DLG2: variants seen among roughly 807,000 people sequenced by gnomAD.
DLG2 encodes discs large MAGUK scaffold protein 2, also known as disks large homolog 2.
DLG2 carries 45 observed loss-of-function variants against 132.5 expected under a neutral mutation model. The ratio of observed to expected loss-of-function variants is 0.34; its 90% CI spans 0.27 to 0.44. The LOEUF is 0.44. Ranked by LOEUF, DLG2 falls within the 20% of genes least tolerant of loss-of-function variation. DLG2 has a pLI of 1.00. For synonymous variants in DLG2, 424 were observed against 419.6 expected (o/e 1.01, Z -0.13); for missense variants, 1,045 against 1,196.9 (o/e 0.87, Z 1.87).
intron 3 of DLG2, among the ~76,000 whole-genome samples, chr11:85,563,615 T>A (rs1168795816): frequency 2.0e-5 from 3 of 150,862 alleles, no homozygotes; most frequent in Non-Finnish European, 3.0e-5. Context: ...TTTTTGAGAT[T>A]GATTTATGTT....
intron 18 of DLG2, among the ~76,000 whole-genome samples, chr11:83,749,438 G>T (rs555870458): frequency 6.6e-6 from 1 of 152,268 alleles, no homozygotes; most frequent in East Asian, 1.9e-4. Context: ...ACAAGGCCTA[G>T]GAATAAAGGG....
chr11:83,701,775 G>A (rs1444581657), intron 18 of DLG2, among the ~76,000 whole-genome samples: 1 of 152,174 alleles, frequency 6.6e-6, no homozygotes, highest in Non-Finnish European at 1.5e-5. Flanking sequence ...GGGATAACCT[G>A]TCGTGGTAGG....
At chr11:85,383,355 G>A (rs140920403) in intron 3 of DLG2, among the ~76,000 whole-genome samples, 74 of 152,182 alleles carry the variant, frequency 4.9e-4, no homozygotes, top group African/African-American at 1.6e-3. Flanking sequence ...GAGGATCCTC[G>A]GGGGTGATAA....
intron 6 of DLG2, among the ~76,000 whole-genome samples, chr11:85,066,127 A>G (rs1049719225): frequency 2.6e-5 from 4 of 151,718 alleles, no homozygotes; most frequent in Non-Finnish European, 5.9e-5. Context: ...ATCACAACTA[A>G]TAACTCAGAA....
At chr11:83,907,532 G>GA (rs1300431834) in intron 15 of DLG2, among the ~76,000 whole-genome samples, 2 of 152,034 alleles carry the variant, frequency 1.3e-5, no homozygotes, top group Non-Finnish European at 2.9e-5. Context: ...TTTTAATTCT[G>GA]AAAAAGAGGA....
chr11:83,887,901 G>C (rs577836780), intron 15 of DLG2, among the ~76,000 whole-genome samples: 221 of 149,832 alleles, frequency 1.5e-3, no homozygotes, highest in Middle Eastern at 3.4e-3. Flanking sequence ...ATTCAACAAC[G>C]CTTCATGCTA....
chr11:84,639,855 T>C (rs2099652890), intron 6 of DLG2: 2 of 173,862 alleles, frequency 1.2e-5, no homozygotes, highest in South Asian at 2.9e-4. Context: ...CCTGTCTGAG[T>C]AGGCTTCCTC....
At chr11:85,333,457 T>C (rs2081915121) in intron 3 of DLG2, among the ~76,000 whole-genome samples, 1 of 152,192 alleles carries the variant, frequency 6.6e-6, no homozygotes, top group African/African-American at 2.4e-5. Context: ...TGGCTAGGAC[T>C]TTCAGTATTA....
chr11:84,870,393 C>T (rs997918831), intron 6 of DLG2, among the ~76,000 whole-genome samples: 5 of 152,186 alleles, frequency 3.3e-5, no homozygotes, highest in African/African-American at 1.2e-4. Flanking sequence ...TCAAGCTTAA[C>T]AAGTGACCTA....
intron 7 of DLG2, among the ~76,000 whole-genome samples, chr11:84,530,127 C>A (rs575970029): frequency 1.3e-5 from 2 of 152,042 alleles, no homozygotes; most frequent in Non-Finnish European, 2.9e-5. Flanking sequence ...CCTTATACCA[C>A]GTACAAAAAA....
chr11:84,190,457 A>G (rs1465964789), intron 8 of DLG2, among the ~76,000 whole-genome samples: 1 of 152,210 alleles, frequency 6.6e-6, no homozygotes, highest in Admixed American at 6.5e-5. Context: ...TTCCCCCTCT[A>G]GAATTGTTAG....
intron 11 of DLG2, among the ~76,000 whole-genome samples, chr11:84,050,015 G>A (rs767295930): frequency 6.6e-5 from 10 of 151,664 alleles, no homozygotes; most frequent in Non-Finnish European, 1.0e-4. Context: ...TGGTACACAG[G>A]GCAGCTCACC....
chr11:84,772,877 C>A (rs1327305294), intron 6 of DLG2, among the ~76,000 whole-genome samples: 9 of 151,576 alleles, frequency 5.9e-5, no homozygotes, highest in Admixed American at 3.9e-4. Flanking sequence ...AATATCACAC[C>A]AAGAAAAACT....
intron 4 of DLG2, among the ~76,000 whole-genome samples, chr11:85,259,913 C>G (rs1175486171): frequency 6.6e-6 from 1 of 152,024 alleles, no homozygotes; most frequent in Non-Finnish European, 1.5e-5. Flanking sequence ...CTATCTTGTA[C>G]AGGTAGGCCA....
intron 11 of DLG2, among the ~76,000 whole-genome samples, chr11:84,001,891 A>G (rs1034707932): frequency 6.6e-6 from 1 of 152,172 alleles, no homozygotes; most frequent in African/African-American, 2.4e-5. Context: ...AGTTCTTAAA[A>G]CAATTGAAAA....
chr11:85,589,631 C>T (rs2079185348), intron 3 of DLG2, among the ~76,000 whole-genome samples: 1 of 152,044 alleles, frequency 6.6e-6, no homozygotes, highest in Admixed American at 6.6e-5. Context: ...GAGGGAAAGC[C>T]AGTAGCGATA....
At chr11:83,506,783 T>C (rs546197049) in intron 21 of DLG2, among the ~76,000 whole-genome samples, 2 of 152,224 alleles carry the variant, frequency 1.3e-5, no homozygotes, top group African/African-American at 4.8e-5. Context: ...GTTTCTATTG[T>C]AAGTTGCAGG....
chr11:84,695,110 T>C (rs1215978811), intron 6 of DLG2, among the ~76,000 whole-genome samples: 1 of 151,528 alleles, frequency 6.6e-6, no homozygotes, highest in African/African-American at 2.4e-5. Flanking sequence ...TTGCTTAAAA[T>C]CACAATAGCC....
At chr11:84,488,063 C>A (rs1221664051) in intron 7 of DLG2, among the ~76,000 whole-genome samples, 1 of 152,146 alleles carries the variant, frequency 6.6e-6, no homozygotes, top group East Asian at 1.9e-4. Flanking sequence ...TCTTTGTGTT[C>A]TCTTTCTCTC....
Sources: gnomAD v4.1 joint callset for allele counts (sites outside exome capture counted in the v4.1 genomes callset) on GRCh38, gnomAD v4.1.1 for gene constraint, MANE v1.5 for transcripts, NCBI Gene and HGNC (gene_info 2026-07-23, HGNC 2026-07-21) for gene names.